Variants in CACNA1C observed in about 807,000 individuals in gnomAD.
CACNA1C encodes voltage-dependent L-type calcium channel subunit alpha-1C.
A neutral mutation model predicts 229.0 loss-of-function variants in CACNA1C; 30 were observed. The observed-to-expected ratio is 0.13, with a 90% CI of 0.10 to 0.18. CACNA1C has a LOEUF of 0.18. CACNA1C is among the 10% of genes least tolerant of loss of function. CACNA1C has a pLI of 1.00. For missense variants in CACNA1C, 1,658 were observed against 2,845.0 expected (o/e 0.58, Z 9.49); for synonymous variants, 1,114 against 1,132.5 (o/e 0.98, Z 0.33).
At chr12:2,106,514 T>C (rs12819085) in intron 1 of CACNA1C, among the ~76,000 whole-genome samples, 72,751 of 82,526 alleles carry the variant, frequency 0.88, 32,016 homozygotes, top group East Asian at 0.99. Flanking sequence ...CTCAGCTGGG[T>C]GTCCTGAAGC....
In CACNA1C at chr12:2,561,740, C is replaced by T. The variant is rs1054380675; in HGVS notation, c.1509-4682C>T. The stretch of plus-strand genomic sequence containing the variant: ...AGCAGAAGTTTAGAAGCAGTGATCC[C>T]GAAGTTTAGAGACATAGATGAGACC... On this transcript the variant is annotated intron_variant, in intron 11 of 46. Coordinates refer to ENST00000399655, the MANE Select transcript of CACNA1C (RefSeq NM_000719.7). 4.6e-5 allele frequency among the ~76,000 whole-genome samples: 7 copies of T among 152,232 alleles called. No individual in the cohort carries two copies. The East Asian group carries it at 9.7e-4, about 21-fold the overall frequency.
At chr12:2,242,553 A>C (rs1410935158) in intron 3 of CACNA1C, among the ~76,000 whole-genome samples, 4 of 152,232 alleles carry the variant, frequency 2.6e-5, no homozygotes, top group Non-Finnish European at 5.9e-5. Flanking sequence ...TGATGACTCA[A>C]AAAAATTTAT....
intron 1 of CACNA1C, among the ~76,000 whole-genome samples, chr12:2,039,369 A>G (rs958036247): frequency 6.6e-6 from 1 of 152,206 alleles, no homozygotes; most frequent in African/African-American, 2.4e-5. Context: ...CTTGGTTTCA[A>G]AATTTCTCTT....
intron 9 of CACNA1C, among the ~76,000 whole-genome samples, chr12:2,535,873 G>A (rs1222679871): frequency 6.6e-6 from 1 of 152,212 alleles, no homozygotes; most frequent in African/African-American, 2.4e-5. Flanking sequence ...ACGCTACATA[G>A]CAGGGCAAGC....
At chr12:2,390,655 C>G (rs1289329331) in intron 3 of CACNA1C, among the ~76,000 whole-genome samples, 1 of 152,022 alleles carries the variant, frequency 6.6e-6, no homozygotes, top group East Asian at 1.9e-4. Context: ...GAGAGCTGGG[C>G]TTTGAAGATG....
chr12:2,651,925 C>G lies in CACNA1C; in HGVS notation c.4074+157C>G, dbSNP rs571692929. The stretch of plus-strand genomic sequence containing the variant: ...TCTGCCTGGCTCCCTGTTTCCGCAC[C>G]GAGAGGCCTAGACGAAGCATGTGGT... On this transcript the variant is annotated intron_variant, in intron 32 of 46. Transcript: ENST00000399655. The surrounding 1 kb of genome is among the most constrained non-coding windows in gnomAD (Gnocchi z 5.4). 2.0e-5 allele frequency among the ~76,000 whole-genome samples: 3 copies of G among 151,992 alleles called. No individual in the cohort carries two copies. The highest frequency in any genetic ancestry group is 4.4e-5 in the Non-Finnish European group (3 of 67,994).
In CACNA1C at chr12:2,693,364, T is replaced by C. The variant is rs1009551322; in HGVS notation, c.*2165T>C. The C allele has an allele frequency of 6.6e-6, 1 of 152,214 alleles. No individual in the cohort carries two copies. Among genetic ancestry groups the C allele is most frequent in the African/African-American group, 2.4e-5 (1 of 41,448 alleles). The allele number at this position is 152,214 out of a possible 1,614,324, so 9.4% of individuals were successfully genotyped here. On this transcript the variant is annotated 3_prime_UTR_variant, in exon 47 of 47. Coordinates refer to ENST00000399655, the MANE Select transcript of CACNA1C (RefSeq NM_000719.7). ...CCTTCCACCACACGGAATTTTCTCT[T>C]TGGCTTCCTTAGGAAAGTGTACACT...
chr12:2,127,873 T>G (rs1223744984), intron 3 of CACNA1C, among the ~76,000 whole-genome samples: 1 of 152,222 alleles, frequency 6.6e-6, no homozygotes. Context: ...TAATGCTTGC[T>G]TAGTCATTGT....
chr12:2,625,177 G>A (rs1568889620), intron 29 of CACNA1C, among the ~76,000 whole-genome samples: 1 of 152,156 alleles, frequency 6.6e-6, no homozygotes. Flanking sequence ...CCTTGTGCTG[G>A]AGAGCTTAAA....
intron 5 of CACNA1C, among the ~76,000 whole-genome samples, chr12:2,477,987 A>G (rs983194726): frequency 2.0e-5 from 3 of 152,044 alleles, no homozygotes; most frequent in Non-Finnish European, 4.4e-5. Context: ...AAATGTAAGT[A>G]CAGGTGTGGA....
intron 3 of CACNA1C, among the ~76,000 whole-genome samples, chr12:2,441,549 A>G: frequency 6.6e-6 from 1 of 152,164 alleles, no homozygotes; most frequent in Non-Finnish European, 1.5e-5. Context: ...ATGTCCTAAA[A>G]TCTCACTGTG....
intron 1 of CACNA1C, among the ~76,000 whole-genome samples, chr12:2,036,696 C>T (rs888843829): frequency 6.6e-6 from 1 of 152,062 alleles, no homozygotes; most frequent in African/African-American, 2.4e-5. Flanking sequence ...GAACCCCTGA[C>T]CTTGTGATCT....
intron 1 of CACNA1C, among the ~76,000 whole-genome samples, chr12:2,001,818 G>C (rs2042253703): frequency 6.6e-6 from 1 of 152,162 alleles, no homozygotes; most frequent in Non-Finnish European, 1.5e-5. Context: ...AGCATTCCCT[G>C]GCCTCTACTC....
chr12:2,317,765 C>T (rs1332534741), intron 3 of CACNA1C, among the ~76,000 whole-genome samples: 5 of 152,202 alleles, frequency 3.3e-5, no homozygotes, highest in Admixed American at 6.5e-5. Flanking sequence ...TGTGGCCCTG[C>T]GCAGGCCAGA....
intron 3 of CACNA1C, among the ~76,000 whole-genome samples, chr12:2,295,704 A>G (rs2093975300): frequency 6.6e-6 from 1 of 152,366 alleles, no homozygotes. Context: ...CGTTACAACC[A>G]TCATATGATT....
intron 29 of CACNA1C, among the ~76,000 whole-genome samples, chr12:2,627,697 A>T (rs216019): frequency 6.6e-6 from 1 of 152,182 alleles, no homozygotes; most frequent in African/African-American, 2.4e-5. Flanking sequence ...CCTCAGCGCC[A>T]CCCCACCGTG....
chr12:2,351,036 C>T (rs1567186890), intron 3 of CACNA1C, among the ~76,000 whole-genome samples: 2 of 152,232 alleles, frequency 1.3e-5, no homozygotes, highest in South Asian at 2.1e-4. Context: ...TCTGTTCCCT[C>T]GGGCCCCTTC....
At chr12:2,189,559 G>A (rs545734076) in intron 3 of CACNA1C, among the ~76,000 whole-genome samples, 276 of 152,322 alleles carry the variant, frequency 1.8e-3, no homozygotes, top group African/African-American at 6.4e-3. Context: ...TGCGCGAGAT[G>A]AGGGGGCCAG....
At chr12:2,360,810 C>A (rs1334020748) in intron 3 of CACNA1C, among the ~76,000 whole-genome samples, 1 of 152,076 alleles carries the variant, frequency 6.6e-6, no homozygotes, top group Non-Finnish European at 1.5e-5. Flanking sequence ...TGTAATATTT[C>A]GTAGTGAAGT....
Sources: allele counts gnomAD v4.1 joint callset (sites outside exome capture counted in the v4.1 genomes callset), GRCh38; gene constraint gnomAD v4.1.1; non-coding constraint Gnocchi (gnomAD v3.1); transcripts MANE v1.5; gene names NCBI Gene and HGNC (gene_info 2026-07-23, HGNC 2026-07-21).